Variants in BDNF observed in about 807,000 individuals in gnomAD.
BDNF encodes the protein neurotrophic factor BDNF precursor form.
BDNF carries 1 observed loss-of-function variant against 19.5 expected under a neutral mutation model. The ratio of observed to expected loss-of-function variants is 0.05; its 90% CI spans 0.02 to 0.24. The LOEUF (loss-of-function observed/expected upper bound fraction) is 0.24. Ranked by LOEUF, BDNF falls within the 10% of genes least tolerant of loss-of-function variation. The probability of loss-of-function intolerance (pLI) is 1.00; values close to 1 mark genes in which losing one functional copy is unlikely to be tolerated. For missense variants in BDNF, 195 were observed against 317.6 expected, an observed-to-expected ratio of 0.61 and a Z score of 2.93; for synonymous variants, 100 against 121.6, an observed-to-expected ratio of 0.82 and a Z score of 1.17.
chr11:27,657,124 C>T lies in BDNF; in HGVS notation c.*697G>A. ...TAATTTTTATTCACTTTCTAGTCAT[C>T]TGATCGATATTGCAAACATCTTCAC... On this transcript the variant is annotated 3_prime_UTR_variant, in exon 2 of 2. Transcript: ENST00000356660. The surrounding 1 kb of genome is among the most constrained non-coding windows in gnomAD (Gnocchi z 5.0). The T allele has an allele frequency of 1.0e-6, 1 of 984,456 alleles. No individual in the cohort carries two copies. Among genetic ancestry groups the T allele is most frequent in the Non-Finnish European group, 1.2e-6 (1 of 828,786 alleles). The allele number at this position is 984,456 out of a possible 1,614,324, so 61.0% of individuals were successfully genotyped here.
chr11:27,700,350 G>C lies in BDNF; in HGVS notation c.-208C>G. On this transcript the variant is annotated 5_prime_UTR_variant, in exon 1 of 2. Transcript: ENST00000356660. ...AGGGGCGCACCGGGCTGGCTCCTCT[G>C]TCCGGCCCGGGAGCCCGAGGCGCTA... 1 of 985,318 alleles carries C rather than the reference G, an allele frequency of 1.0e-6. No individual in the cohort carries two copies. The highest frequency in any genetic ancestry group is 1.2e-6 in the Non-Finnish European group (1 of 829,882). The allele number at this position is 985,318 out of a possible 1,614,324, so 61.0% of individuals were successfully genotyped here. A position where few individuals can be genotyped will look rare whatever the true frequency, so the allele number is the denominator to read the frequency against.
chr11:27,674,971 TCCA>T (rs148742587), intron 1 of BDNF: 26,704 of 863,420 alleles, frequency 0.031, 537 homozygotes, highest in Middle Eastern at 0.042. Flanking sequence ...AATTTGATTA[TCCA>T]CCATTTATAG....
chr11:27,660,308 T>C (rs1414196058), intron 1 of BDNF: 11 of 1,011,328 alleles, frequency 1.1e-5, no homozygotes, highest in Non-Finnish European at 1.5e-5. Context: ...AGATTTACTC[T>C]CACTTTGCAC....
At chr11:27,705,693 T>C (rs1860080825) in intron 1 of BDNF, among the ~76,000 whole-genome samples, 1 of 152,166 alleles carries the variant, frequency 6.6e-6, no homozygotes, top group Admixed American at 6.5e-5. Flanking sequence ...TCCTTAATAG[T>C]GCATGGTTGT....
chr11:27,692,057 G>A (rs890123860), intron 1 of BDNF, among the ~76,000 whole-genome samples: 13 of 152,084 alleles, frequency 8.5e-5, no homozygotes, highest in African/African-American at 3.1e-4. Context: ...TTGAGAATCT[G>A]TATACAAATA....
chr11:27,699,795 A>T, intron 1 of BDNF: 1 of 999,528 alleles, frequency 1.0e-6, no homozygotes, highest in Non-Finnish European at 1.3e-6. Flanking sequence ...CCCCTCAGTC[A>T]GGACCCTCGA....
chr11:27,719,771 GA>G (rs1258051124), intron 1 of BDNF: 3 of 146,646 alleles, frequency 2.0e-5, no homozygotes, highest in African/African-American at 7.6e-5. Context: ...AGGAGGGAGG[GA>G]GGGGGAAAGA....
chr11:27,705,469 G>A (rs755228095), intron 1 of BDNF, among the ~76,000 whole-genome samples: 8 of 152,080 alleles, frequency 5.3e-5, no homozygotes, highest in Non-Finnish European at 1.2e-4. Flanking sequence ...AAATGAAAAA[G>A]AAGAATATGC....
chr11:27,667,247 T>A (rs1021804598), intron 1 of BDNF, among the ~76,000 whole-genome samples: 16 of 152,136 alleles, frequency 1.1e-4, no homozygotes, highest in African/African-American at 3.9e-4. Flanking sequence ...AGGCCTGCCT[T>A]ACAAGAGCTC....
Position 27,693,251 on chromosome 11 carries a change from G to C in BDNF, c.-22+6913C>G, listed in dbSNP as rs538029927. 2.6e-5 allele frequency among the ~76,000 whole-genome samples: 4 copies of C among 152,240 alleles called. No homozygotes were observed. In the East Asian group the frequency reaches 7.7e-4, roughly 29 times the overall value. ...TCTAGCAGTGCAGCCCAAAATTTCA[G>C]TAGCTATGATAACAGCCTCTTGTCA... On this transcript the variant is annotated intron_variant, in intron 1 of 1. Coordinates refer to ENST00000356660, the MANE Select transcript of BDNF (RefSeq NM_001709.5).
intron 1 of BDNF, among the ~76,000 whole-genome samples, chr11:27,718,073 T>C (rs913327476): frequency 3.9e-5 from 6 of 152,178 alleles, no homozygotes; most frequent in Non-Finnish European, 7.4e-5. Flanking sequence ...ATGCATTCAT[T>C]TGAAGCCCTA....
rs1189397568 is a variant in BDNF at position 27,700,207 on chromosome 11, A to C, written c.-65T>G. The C allele has an allele frequency of 1.0e-6, 1 of 985,554 alleles. No individual in the cohort carries two copies. The highest frequency in any genetic ancestry group is 1.1e-4 in the East Asian group (1 of 8,786). 61.1% of individuals were successfully genotyped at this position (985,554 alleles called of 1,614,324 possible). A position where few individuals can be genotyped will look rare whatever the true frequency, so the allele number is the denominator to read the frequency against. On this transcript the variant is annotated 5_prime_UTR_variant, in exon 1 of 2. An upstream open reading frame in the 5' UTR loses its in-frame stop. Coordinates refer to ENST00000356660, the MANE Select transcript of BDNF (RefSeq NM_001709.5). ...CTCACGGGTCCCCGGCGGCGGAGTC[A>C]CATCGTGGTTCCGATTCTGGCTCCA... is the stretch of plus-strand genomic sequence containing the variant.
At chr11:27,668,859 A>C (rs1854830553) in intron 1 of BDNF, among the ~76,000 whole-genome samples, 1 of 151,876 alleles carries the variant, frequency 6.6e-6, no homozygotes, top group African/African-American at 2.4e-5. Flanking sequence ...TACCATTCTG[A>C]AACTATTCTA....
In BDNF at chr11:27,669,195, C is replaced by A. The variant is rs564672094; in HGVS notation, c.-21-10610G>T. Among the ~76,000 whole-genome samples, 3 of 152,192 alleles carry A rather than the reference C, an allele frequency of 2.0e-5. No individual in the cohort carries two copies. The East Asian group carries it at 5.8e-4, about 29-fold the overall frequency. ...CAATAGATGCAGAAAAGGCCTTTGA[C>A]AAAATTCAACAGCCTTTGTGCTAAA... On this transcript the variant is annotated intron_variant, in intron 1 of 1. Transcript: ENST00000356660.
chr11:27,689,079 T>TACC (rs1269487476), intron 1 of BDNF, among the ~76,000 whole-genome samples: 1 of 152,234 alleles, frequency 6.6e-6, no homozygotes, highest in African/African-American at 2.4e-5. Flanking sequence ...CACAGAAGGG[T>TACC]ACCAGTCTCT....
chr11:27,690,927 A>G (rs573516751), intron 1 of BDNF, among the ~76,000 whole-genome samples: 2 of 152,248 alleles, frequency 1.3e-5, no homozygotes, highest in Middle Eastern at 6.8e-3. Context: ...TCATAAAATC[A>G]TAGACTCAAA....
rs1217383388 is a variant in BDNF at position 27,700,415 on chromosome 11, C to CGCGGCG, written c.-279_-274dup. The CGCGGCG allele has an allele frequency of 1.0e-6, 1 of 985,416 alleles. No individual in the cohort carries two copies. Among genetic ancestry groups the CGCGGCG allele is most frequent in the South Asian group, 4.6e-5 (1 of 21,674 alleles). 61.0% of individuals were successfully genotyped at this position (985,416 alleles called of 1,614,324 possible). On this transcript the variant is annotated 5_prime_UTR_variant, in exon 1 of 2. Transcript: ENST00000356660. The stretch of plus-strand genomic sequence containing the variant: ...CAGCGAGCGGGCGGGTGCGCCCGGG[C>CGCGGCG]GCGGCGGCGGCAGCGTCGGGGACCC...
chr11:27,695,405 G>C (rs948339358), intron 1 of BDNF, among the ~76,000 whole-genome samples: 1 of 151,998 alleles, frequency 6.6e-6, no homozygotes, highest in Admixed American at 6.6e-5. Context: ...TTACTATACT[G>C]TCTTAGTTTT....
chr11:27,694,090 T>C (rs1041009165), intron 1 of BDNF, among the ~76,000 whole-genome samples: 32 of 152,152 alleles, frequency 2.1e-4, no homozygotes, highest in African/African-American at 3.1e-4. Flanking sequence ...TTACCAGAAA[T>C]TGGCACAAAT....
Sources: gnomAD v4.1 joint callset for allele counts (sites outside exome capture counted in the v4.1 genomes callset) on GRCh38, gnomAD v4.1.1 for gene constraint, Gnocchi (gnomAD v3.1) non-coding constraint, MANE v1.5 for transcripts, NCBI Gene and HGNC (gene_info 2026-07-23, HGNC 2026-07-21) for gene names.